The following ENO4 variants were observed in gnomAD, a reference collection of about 807,000 sequenced individuals.
ENO4 encodes the protein 2-phospho-D-glycerate hydro-lyase.
ENO4 carries 53 observed loss-of-function variants against 63.2 expected under a neutral mutation model. The observed-to-expected ratio is 0.84, with a 90% CI of 0.67 to 1.05. ENO4 has a LOEUF of 1.05. Ranked by LOEUF, ENO4 falls within the 50% of genes least tolerant of loss-of-function variation. The probability of loss-of-function intolerance (pLI) is 0.00; values close to 1 mark genes in which losing one functional copy is unlikely to be tolerated. For missense variants in ENO4, 719 were observed against 772.0 expected (o/e 0.93, Z 0.81); for synonymous variants, 266 against 283.8 (o/e 0.94, Z 0.63).
At chr10:116,862,930 C>A (rs2133258389) in intron 7 of ENO4, 78 bp downstream of exon 7, 1 of 1,006,848 alleles carries the variant, frequency 9.9e-7, no homozygotes, top group Non-Finnish European at 1.5e-6. Context: ...TTCATTTGGA[C>A]TTAAATCAAT....
intron 10 of ENO4, among the ~76,000 whole-genome samples, chr10:116,910,249 T>A (rs1848137086): frequency 6.6e-6 from 1 of 152,104 alleles, no homozygotes; most frequent in South Asian, 2.1e-4. Context: ...GCTCTACTTT[T>A]AAAAAAACTT....
At chr10:116,852,832 A>C (rs991464856) in intron 1 of ENO4, among the ~76,000 whole-genome samples, 2 of 152,104 alleles carry the variant, frequency 1.3e-5, no homozygotes, top group Non-Finnish European at 2.9e-5. Context: ...ATTGAGTGAA[A>C]ACAGCTTGGA....
At chr10:116,863,511 C>A (rs1388124211) in intron 7 of ENO4, among the ~76,000 whole-genome samples, 1 of 152,202 alleles carries the variant, frequency 6.6e-6, no homozygotes. Context: ...TAACTCCAGA[C>A]TTGATTCAAA....
intron 10 of ENO4, among the ~76,000 whole-genome samples, chr10:116,895,875 A>C (rs1181975263): frequency 1.3e-5 from 2 of 152,170 alleles, no homozygotes; most frequent in Non-Finnish European, 2.9e-5. Context: ...ATAATGTCCA[A>C]TCTATAGGTT....
In ENO4 at chr10:116,853,146, T is replaced by A. The variant is rs546236402; in HGVS notation, c.166-2477T>A. 8.8e-4 allele frequency among the ~76,000 whole-genome samples: 134 copies of A among 151,946 alleles called. 2 individuals carry two copies. In the South Asian group the frequency reaches 0.027, roughly 31 times the overall value. ...CTGTCTCTACTAAAAATACAAAAAATTAGCTGGGAGTGGTGTCGGGCGACT... is the reference window on the plus strand; with the variant it reads ...CTGTCTCTACTAAAAATACAAAAAAATAGCTGGGAGTGGTGTCGGGCGACT... On this transcript the variant is annotated intron_variant, in intron 1 of 13. Transcript: ENST00000341276.
intron 1 of ENO4, 172 bp downstream of exon 1, chr10:116,849,903 C>A: frequency 1.2e-6 from 1 of 800,224 alleles, no homozygotes; most frequent in South Asian, 1.5e-5. Context: ...GGAAGGACAC[C>A]CAGGGGTGAA....
chr10:116,910,578 T>C (rs755183294), intron 10 of ENO4, among the ~76,000 whole-genome samples: 1 of 152,220 alleles, frequency 6.6e-6, no homozygotes, highest in Non-Finnish European at 1.5e-5. Flanking sequence ...CGTCTGATTT[T>C]CAAAATTAAC....
intron 10 of ENO4, among the ~76,000 whole-genome samples, chr10:116,906,136 G>C (rs1256116032): frequency 6.6e-6 from 1 of 152,256 alleles, no homozygotes; most frequent in Non-Finnish European, 1.5e-5. Context: ...CATGCACATT[G>C]CTAAGCATTT....
chr10:116,855,616 G>T lies in ENO4; in HGVS notation c.166-7G>T. 1 of 1,536,048 alleles carries T rather than the reference G, an allele frequency of 6.5e-7. No homozygotes were observed. Among genetic ancestry groups the T allele is most frequent in the South Asian group, 1.2e-5 (1 of 84,052 alleles). On this transcript the variant is annotated splice_region_variant and splice_polypyrimidine_tract_variant and intron_variant, in intron 1 of 13. Coordinates refer to ENST00000341276, the MANE Select transcript of ENO4 (RefSeq NM_001242699.2). ...AGATGATTTTTGTTCTTTTGTGTGT[G>T]TTGAAGGCAAACTGCTTTTCTAAAC... is the stretch of plus-strand genomic sequence containing the variant.
At chr10:116,886,214 A>G (rs1451074688), downstream of ENO4, 2 of 1,284,714 alleles carry the variant, frequency 1.6e-6, no homozygotes, top group Non-Finnish European at 1.1e-6. Flanking sequence ...CAAAAGTGAC[A>G]CCAGAAAAGA....
chr10:116,876,808 G>A (rs1846846529), intron 11 of ENO4, among the ~76,000 whole-genome samples: 1 of 152,088 alleles, frequency 6.6e-6, no homozygotes, highest in Non-Finnish European at 1.5e-5. Context: ...AAAATTGGCC[G>A]GGTGTGGTGG....
chr10:116,867,042 C>G (rs548861165), intron 7 of ENO4, among the ~76,000 whole-genome samples: 1 of 152,188 alleles, frequency 6.6e-6, no homozygotes, highest in Admixed American at 6.5e-5. Context: ...CAGGCCCCAA[C>G]CCAAAGATGT....
Position 116,874,168 on chromosome 10 carries a change from A to G in ENO4, c.1308A>G (p.Ser436=). ...LYVDLINKYP[S]IIALIDPFRK... is the part of the protein sequence containing the mutation. Reference sequence around the variant, plus strand: ...TGGATCTGATCAACAAGTACCCTTCAATTATTGCCTTAATTGATCCTTTCA... The same window carrying G: ...TGGATCTGATCAACAAGTACCCTTCGATTATTGCCTTAATTGATCCTTTCA... The change falls in exon 10 of 14, where the codon TCA becomes TCG. Residue 436 remains serine (S), a synonymous_variant. Transcript: ENST00000341276. 1 of 1,547,964 alleles carries G rather than the reference A, an allele frequency of 6.5e-7. No homozygotes were observed.
At chr10:116,886,427 T>C (rs1199276116), downstream of ENO4, 3 of 1,607,930 alleles carry the variant, frequency 1.9e-6, no homozygotes, top group East Asian at 2.2e-5. Flanking sequence ...TCATCCTCCT[T>C]GTGTTGAGTT....
intron 10 of ENO4, among the ~76,000 whole-genome samples, chr10:116,907,284 G>A (rs890106959): frequency 3.9e-5 from 6 of 152,150 alleles, no homozygotes; most frequent in African/African-American, 1.4e-4. Context: ...CCAAAGAAGG[G>A]CTGCACTGAG....
chr10:116,900,513 AG>A, intron 10 of ENO4: 1 of 1,506,350 alleles, frequency 6.6e-7, no homozygotes, highest in Non-Finnish European at 8.9e-7. Context: ...AGGAGGAAGG[AG>A]TTGCAGTATT....
chr10:116,900,135 C>G (rs953318582), intron 10 of ENO4, among the ~76,000 whole-genome samples: 1 of 152,176 alleles, frequency 6.6e-6, no homozygotes, highest in African/African-American at 2.4e-5. Flanking sequence ...TGGTAAATTA[C>G]TGTCAATATG....
intron 3 of ENO4, 66 bp from the exon 4 acceptor site, chr10:116,858,924 T>A: frequency 1.8e-6 from 2 of 1,110,796 alleles, no homozygotes; most frequent in Non-Finnish European, 2.5e-6. Flanking sequence ...CTCTAAAACA[T>A]GACCAAAATC....
intron 7 of ENO4, among the ~76,000 whole-genome samples, chr10:116,866,807 TAAA>T (rs778370507): frequency 1.4e-5 from 2 of 139,138 alleles, no homozygotes; most frequent in Admixed American, 1.5e-4. Flanking sequence ...CCTGTCCCAT[TAAA>T]AAAAAAAAAA....
Sources: gnomAD v4.1 joint callset for allele counts (sites outside exome capture counted in the v4.1 genomes callset) on GRCh38, gnomAD v4.1.1 for gene constraint, MANE v1.5 for transcripts, NCBI Gene and HGNC (gene_info 2026-07-23, HGNC 2026-07-21) for gene names.